The following PTPRT variants were observed in gnomAD, a reference collection of about 807,000 sequenced individuals.
The protein encoded by PTPRT is receptor-type tyrosine-protein phosphatase T.
PTPRT carries 56 observed loss-of-function variants against 176.8 expected under a neutral mutation model. The observed-to-expected ratio is 0.32, with a 90% CI of 0.26 to 0.40. The LOEUF is 0.40. Among genes scored for constraint, PTPRT ranks in the 10% least tolerant of loss-of-function variants. The probability of loss-of-function intolerance (pLI) is 1.00; values close to 1 mark genes in which losing one functional copy is unlikely to be tolerated. For missense variants in PTPRT, 1,540 were observed against 1,908.2 expected, an observed-to-expected ratio of 0.81 and a Z score of 3.60; for synonymous variants, 783 against 739.0, an observed-to-expected ratio of 1.06 and a Z score of -0.96.
At chr20:42,872,915 G>A (rs2078869883) in intron 2 of PTPRT, among the ~76,000 whole-genome samples, 1 of 152,176 alleles carries the variant, frequency 6.6e-6, no homozygotes, top group Non-Finnish European at 1.5e-5. Context: ...TTAGCCACTA[G>A]GCAGAAGGCC....
intron 10 of PTPRT, 44 bp downstream of exon 10, chr20:42,352,040 G>T (rs2145521283): frequency 6.4e-7 from 1 of 1,574,474 alleles, no homozygotes; most frequent in South Asian, 1.1e-5. Flanking sequence ...CAGGAAGTGG[G>T]GGTGAAACAA....
intron 17 of PTPRT, among the ~76,000 whole-genome samples, chr20:42,159,412 T>C (rs912083147): frequency 6.6e-6 from 1 of 151,278 alleles, no homozygotes; most frequent in Admixed American, 6.6e-5. Flanking sequence ...GGCTTGAAAA[T>C]ATTTTCTTTT....
intron 9 of PTPRT, among the ~76,000 whole-genome samples, chr20:42,379,287 G>C (rs187358267): frequency 1.3e-5 from 2 of 152,326 alleles, no homozygotes; most frequent in East Asian, 3.9e-4. Context: ...TTTATTGCAG[G>C]AAGATTTCCC....
intron 1 of PTPRT, among the ~76,000 whole-genome samples, chr20:42,999,638 G>T (rs74828287): frequency 0.2 from 30,503 of 150,968 alleles, 3,244 homozygotes; most frequent in Non-Finnish European, 0.23. Flanking sequence ...TTGTTGTGGT[G>T]GTTGTTGTTG....
intron 1 of PTPRT, among the ~76,000 whole-genome samples, chr20:43,056,397 G>A (rs713108): frequency 0.36 from 54,305 of 152,096 alleles, 12,276 homozygotes; most frequent in African/African-American, 0.63. Context: ...TTCTGGGCGT[G>A]ACCCATGCAA....
rs915511549 is a variant in PTPRT at position 42,526,956 on chromosome 20, CT to C, written c.1154-54395del. Among the ~76,000 whole-genome samples the C allele has an allele frequency of 9.9e-3, 778 of 78,714 alleles. 3 individuals are homozygous for C. Among genetic ancestry groups the C allele is most frequent in the African/African-American group, 0.022 (442 of 20,518 alleles). The allele number at this position is 78,714 out of a possible 152,430, so 51.6% of individuals were successfully genotyped here. On this transcript the variant is annotated intron_variant, in intron 7 of 30. Transcript: ENST00000373187. ...GAGACTGACTTCTTGGTTCTTTTTT[CT>C]TTTTTTTTTTTTTTTTTTTTTTTTG...
intron 2 of PTPRT, among the ~76,000 whole-genome samples, chr20:42,792,303 C>G (rs545259029): frequency 1.3e-5 from 2 of 152,308 alleles, no homozygotes; most frequent in East Asian, 3.9e-4. Context: ...CAGTGAGTTT[C>G]TTTTCAGTGT....
chr20:42,393,319 A>C (rs1173269925), intron 9 of PTPRT, among the ~76,000 whole-genome samples: 1 of 152,174 alleles, frequency 6.6e-6, no homozygotes, highest in Non-Finnish European at 1.5e-5. Flanking sequence ...ACCCTTTTTA[A>C]AATATGCATG....
chr20:42,702,706 T>C (rs1368875180), intron 6 of PTPRT, among the ~76,000 whole-genome samples: 3 of 152,170 alleles, frequency 2.0e-5, no homozygotes, highest in African/African-American at 7.2e-5. Context: ...CACTGTTCTA[T>C]CACCATTAAC....
chr20:42,957,288 C>T (rs1296316033), intron 1 of PTPRT, among the ~76,000 whole-genome samples: 2 of 152,154 alleles, frequency 1.3e-5, no homozygotes, highest in East Asian at 1.9e-4. Flanking sequence ...TAGGGGCCCT[C>T]GTAAACGTCA....
intron 13 of PTPRT, among the ~76,000 whole-genome samples, chr20:42,250,571 T>A (rs1162635821): frequency 6.6e-6 from 1 of 152,194 alleles, no homozygotes. Flanking sequence ...CTTAGACATG[T>A]TGGGTTTACT....
At chr20:43,125,900 A>G (rs1217059029) in intron 1 of PTPRT, among the ~76,000 whole-genome samples, 4 of 152,240 alleles carry the variant, frequency 2.6e-5, no homozygotes, top group African/African-American at 7.2e-5. Context: ...AAGGAAAGCC[A>G]CAGAAAGATG....
At chr20:42,410,273 T>G (rs777313525) in intron 9 of PTPRT, among the ~76,000 whole-genome samples, 3 of 152,076 alleles carry the variant, frequency 2.0e-5, no homozygotes, top group Non-Finnish European at 2.9e-5. Flanking sequence ...ATATTCAGAT[T>G]GAATTTGTTG....
intron 1 of PTPRT, among the ~76,000 whole-genome samples, chr20:43,049,239 T>C (rs922584897): frequency 6.6e-6 from 1 of 152,108 alleles, no homozygotes; most frequent in East Asian, 1.9e-4. Flanking sequence ...GTGCTTTTAA[T>C]AAGAAAAAGT....
intron 7 of PTPRT, among the ~76,000 whole-genome samples, chr20:42,513,621 G>T (rs1339299214): frequency 1.3e-5 from 2 of 151,906 alleles, no homozygotes; most frequent in African/African-American, 4.8e-5. Context: ...ACATTTCCAG[G>T]TGCTGGGAAA....
chr20:42,851,045 C>T (rs770759250), intron 2 of PTPRT, among the ~76,000 whole-genome samples: 13 of 152,192 alleles, frequency 8.5e-5, no homozygotes, highest in Non-Finnish European at 1.6e-4. Context: ...TTTAGATCTG[C>T]ACTTAATTAC....
chr20:42,215,095 T>C (rs2055737167), intron 15 of PTPRT, among the ~76,000 whole-genome samples: 1 of 152,218 alleles, frequency 6.6e-6, no homozygotes, highest in Admixed American at 6.5e-5. Context: ...TAATAGGTGA[T>C]AAGAAAGAAA....
At chr20:42,740,532 C>T (rs2076593475) in intron 6 of PTPRT, among the ~76,000 whole-genome samples, 3 of 152,170 alleles carry the variant, frequency 2.0e-5, no homozygotes, top group African/African-American at 4.8e-5. Flanking sequence ...CAGGACTATA[C>T]GCAGTGATGT....
intron 1 of PTPRT, among the ~76,000 whole-genome samples, chr20:42,988,402 A>C (rs1217808468): frequency 6.6e-6 from 1 of 152,198 alleles, no homozygotes; most frequent in Non-Finnish European, 1.5e-5. Context: ...TTAAGTGAAC[A>C]GCTGTGGATC....
Sources: gnomAD v4.1 joint callset for allele counts (sites outside exome capture counted in the v4.1 genomes callset) on GRCh38, gnomAD v4.1.1 for gene constraint, MANE v1.5 for transcripts, NCBI Gene and HGNC (gene_info 2026-07-23, HGNC 2026-07-21) for gene names.